The following SNTG2 variants were observed in gnomAD, a reference collection of about 807,000 sequenced individuals.
SNTG2 encodes syntrophin gamma 2, also known as gamma-2-syntrophin.
Under a neutral mutation model 70.9 loss-of-function variants are expected in SNTG2, and 74 were observed. The observed-to-expected ratio is 1.04, with a 90% CI of 0.86 to 1.27. The LOEUF (loss-of-function observed/expected upper bound fraction) is 1.27. Ranked by LOEUF, SNTG2 falls within the 50% of genes most tolerant of loss-of-function variation. The pLI is 0.00. For synonymous variants in SNTG2, 278 were observed against 273.8 expected (o/e 1.02, Z -0.15); for missense variants, 717 against 690.7 (o/e 1.04, Z -0.43).
In SNTG2 at chr2:1,155,424, GTGTACACACACCACATA is replaced by G. The variant is rs1572588446; in HGVS notation, c.412-10112_412-10096del. Among the ~76,000 whole-genome samples, 3 of 151,754 alleles carry G rather than the reference GTGTACACACACCACATA, an allele frequency of 2.0e-5. No individual in the cohort carries two copies. The East Asian group carries it at 5.8e-4, about 30-fold the overall frequency. ...TATACATGCCCCACATCACACACACGTGTACACACACCACATATGTACACACACACCAGACACAAGCA... is the reference window on the plus strand; with the variant it reads ...TATACATGCCCCACATCACACACACGTGTACACACACACCAGACACAAGCA... On this transcript the variant is annotated intron_variant, in intron 6 of 16. Coordinates refer to ENST00000308624, the MANE Select transcript of SNTG2 (RefSeq NM_018968.4).
At chr2:1,354,650 ACG>A (rs1660746924) in intron 16 of SNTG2, among the ~76,000 whole-genome samples, 2 of 43,382 alleles carry the variant, frequency 4.6e-5, no homozygotes, top group East Asian at 3.8e-3. Context: ...TAAAGTGGGT[ACG>A]TTTCCATGGG....
intron 16 of SNTG2, 79 bp downstream of exon 16, chr2:1,316,454 T>C (rs1681283528): frequency 3.5e-6 from 2 of 573,530 alleles, no homozygotes; most frequent in Non-Finnish European, 3.0e-6. Context: ...GGTAAAAATC[T>C]CCACCCCTCC....
chr2:1,191,810 A>G (rs1672610656), intron 8 of SNTG2, among the ~76,000 whole-genome samples: 1 of 151,892 alleles, frequency 6.6e-6, no homozygotes, highest in African/African-American at 2.4e-5. Context: ...AAAAGTTCTA[A>G]TTTGTTAGTC....
At chr2:1,071,221 A>G (rs1315778671) in intron 1 of SNTG2, among the ~76,000 whole-genome samples, 1 of 151,692 alleles carries the variant, frequency 6.6e-6, no homozygotes, top group African/African-American at 2.4e-5. Flanking sequence ...TTGCGGCATT[A>G]CTCACAATAG....
At chr2:1,014,646 T>G (rs55975187) in intron 1 of SNTG2, among the ~76,000 whole-genome samples, 3,625 of 46,828 alleles carry the variant, frequency 0.077, 36 homozygotes, top group Non-Finnish European at 0.11. Context: ...GGGTGGTCTG[T>G]AGAGGGATTT....
chr2:1,283,171 C>T (rs920102295), intron 14 of SNTG2, among the ~76,000 whole-genome samples: 2 of 152,074 alleles, frequency 1.3e-5, no homozygotes, highest in African/African-American at 4.8e-5. Context: ...TGAACTGTGG[C>T]CTCCTGCTAC....
At chr2:1,203,406 C>T (rs991122065) in intron 8 of SNTG2, among the ~76,000 whole-genome samples, 3 of 151,762 alleles carry the variant, frequency 2.0e-5, no homozygotes, top group Non-Finnish European at 4.4e-5. Context: ...ACTTGTAATC[C>T]CAGCACTTTG....
chr2:1,116,869 T>C (rs1327915027), intron 4 of SNTG2, among the ~76,000 whole-genome samples: 1 of 147,172 alleles, frequency 6.8e-6, no homozygotes, highest in African/African-American at 2.5e-5. Flanking sequence ...TGCTCTGGTG[T>C]ACGGGTGCCC....
Position 1,208,317 on chromosome 2 carries a change from G to A in SNTG2, c.592-786G>A, listed in dbSNP as rs536918267. On this transcript the variant is annotated intron_variant, in intron 8 of 16. Transcript: ENST00000308624. ...TGTGAGGCACATCTGTGTGAGGCAC[G>A]TCCATGAGTGTGGGGCACACCTGTG... is the stretch of plus-strand genomic sequence containing the variant. 3.9e-5 allele frequency among the ~76,000 whole-genome samples: 3 copies of A among 76,108 alleles called. No homozygotes were observed. In the East Asian group the frequency reaches 3.9e-3, roughly 99 times the overall value. The allele number at this position is 76,108 out of a possible 152,430, so 49.9% of individuals were successfully genotyped here. A position where few individuals can be genotyped will look rare whatever the true frequency, so the allele number is the denominator to read the frequency against.
intron 1 of SNTG2, among the ~76,000 whole-genome samples, chr2:985,501 T>C (rs536593162): frequency 2.3e-4 from 35 of 151,932 alleles, no homozygotes. Context: ...GCTCCCCAGC[T>C]CCCCCTCTGC....
intron 14 of SNTG2, among the ~76,000 whole-genome samples, chr2:1,299,987 A>G (rs1680379562): frequency 6.7e-6 from 1 of 148,394 alleles, no homozygotes; most frequent in South Asian, 2.2e-4. Flanking sequence ...GGCACTTACC[A>G]TCACTGCTCT....
chr2:1,207,971 G>A (rs912275298), intron 8 of SNTG2, among the ~76,000 whole-genome samples: 4 of 152,308 alleles, frequency 2.6e-5, no homozygotes, highest in Admixed American at 1.3e-4. Context: ...TAACACTTAC[G>A]AACAAGCAAG....
chr2:1,036,009 C>G (rs1661108747), intron 1 of SNTG2, among the ~76,000 whole-genome samples: 1 of 152,052 alleles, frequency 6.6e-6, no homozygotes, highest in Admixed American at 6.5e-5. Context: ...TTTCTGTAAC[C>G]TTGTTAAATG....
chr2:1,245,848 G>C (rs1406156502), intron 11 of SNTG2, among the ~76,000 whole-genome samples: 2 of 152,194 alleles, frequency 1.3e-5, no homozygotes, highest in Non-Finnish European at 2.9e-5. Context: ...TGCCTTATGA[G>C]GGATTCCTAT....
At chr2:1,245,596 T>C (rs373629325) in intron 11 of SNTG2, among the ~76,000 whole-genome samples, 152 of 152,388 alleles carry the variant, frequency 1.0e-3, no homozygotes, top group Non-Finnish European at 1.6e-3. Context: ...AAGCATCTGC[T>C]AAATTTGCTA....
chr2:1,048,044 G>A (rs10189974), intron 1 of SNTG2, among the ~76,000 whole-genome samples: 1 of 151,648 alleles, frequency 6.6e-6, no homozygotes, highest in Non-Finnish European at 1.5e-5. Flanking sequence ...TAATATTTTT[G>A]TACTTCTTAA....
chr2:985,120 C>T (rs554853722), intron 1 of SNTG2, among the ~76,000 whole-genome samples: 5 of 152,240 alleles, frequency 3.3e-5, no homozygotes, highest in Non-Finnish European at 7.3e-5. Flanking sequence ...ATATCACTCT[C>T]ATTCTTAGAC....
At chr2:1,167,349 C>T (rs1332714823) in intron 7 of SNTG2, among the ~76,000 whole-genome samples, 30 of 150,286 alleles carry the variant, frequency 2.0e-4, no homozygotes, top group Admixed American at 9.9e-4. Context: ...GACGGCAGAA[C>T]TGAAGCCTAC....
At chr2:1,128,170 CTT>C (rs10707640) in intron 4 of SNTG2, among the ~76,000 whole-genome samples, 4 of 151,238 alleles carry the variant, frequency 2.6e-5, no homozygotes, top group Non-Finnish European at 4.4e-5. Flanking sequence ...TTATTAAATG[CTT>C]TTTTTTTCTG....
Sources: gnomAD v4.1 joint callset for allele counts (sites outside exome capture counted in the v4.1 genomes callset) on GRCh38, gnomAD v4.1.1 for gene constraint, MANE v1.5 for transcripts, NCBI Gene and HGNC (gene_info 2026-07-23, HGNC 2026-07-21) for gene names.